The following CTLA4 variants were observed in gnomAD, a reference collection of about 807,000 sequenced individuals.
CTLA4 encodes cytotoxic T-lymphocyte associated protein 4, also known as cytotoxic T-lymphocyte protein 4.
CTLA4 carries 3 observed loss-of-function variants against 20.4 expected under a neutral mutation model. That is an observed-to-expected ratio of 0.15 (90% CI 0.07 to 0.38). The LOEUF (loss-of-function observed/expected upper bound fraction) is 0.38. CTLA4 is among the 10% of genes least tolerant of loss of function. The pLI is 1.00. For missense variants in CTLA4, 184 were observed against 276.8 expected, an observed-to-expected ratio of 0.66 and a Z score of 2.38; for synonymous variants, 100 against 105.2, an observed-to-expected ratio of 0.95 and a Z score of 0.30.
rs1428702210 is a variant in CTLA4, at chr2:203,872,922, C to A, written c.*110C>A. 3.6e-5 allele frequency: 26 copies of A among 721,200 alleles called. 1 individual carries two copies. The Admixed American group carries it at 6.0e-4, about 17-fold the overall frequency. 44.7% of individuals were successfully genotyped at this position (721,200 alleles called of 1,614,324 possible). ...TTTGTTTGTGCATTTGGGGGGAATT[C>A]ATCTCTCTTTAATATAAAGTTGGAT... On this transcript the variant is annotated 3_prime_UTR_variant, in exon 4 of 4. Transcript: ENST00000648405.
In CTLA4 at chr2:203,872,912, G is replaced by A. The variant is rs56102377; in HGVS notation, c.*100G>A. On this transcript the variant is annotated 3_prime_UTR_variant, in exon 4 of 4. Coordinates refer to ENST00000648405, the MANE Select transcript of CTLA4 (RefSeq NM_005214.5). ...GCTATTTTTATTTGTTTGTGCATTT[G>A]GGGGGAATTCATCTCTCTTTAATAT... The A allele has an allele frequency of 2.1e-3, 1,640 of 772,442 alleles. 43 individuals carry two copies. In the East Asian group the frequency reaches 0.038, roughly 18 times the overall value. The allele number at this position is 772,442 out of a possible 1,614,324, so 47.8% of individuals were successfully genotyped here.
Position 203,867,926 on chromosome 2 carries a change from A to AC in CTLA4, c.-15dup. On this transcript the variant is annotated 5_prime_UTR_variant, in exon 1 of 4. Transcript: ENST00000648405. ...TGCTCTACTTCCTGAAGACCTGAACACCGCTCCCATAAAGCCATGGCTTGC... is the reference window on the plus strand; with the variant it reads ...TGCTCTACTTCCTGAAGACCTGAACACCCGCTCCCATAAAGCCATGGCTTGC... The AC allele has an allele frequency of 6.2e-7, 1 of 1,604,560 alleles. No homozygotes were observed. Among genetic ancestry groups the AC allele is most frequent in the South Asian group, 1.1e-5 (1 of 90,856 alleles).
chr2:203,868,518 T>C (rs1581572216), intron 1 of CTLA4, among the ~76,000 whole-genome samples: 1 of 152,334 alleles, frequency 6.6e-6, no homozygotes, highest in East Asian at 1.9e-4. Flanking sequence ...ACTTTATAAA[T>C]GAATTAGCCA....
rs766143912 is a variant in CTLA4, at chr2:203,870,612, G to A, written c.136G>A (p.Val46Ile). Residue 46 changes from valine (V) to isoleucine (I), a missense_variant, in exon 2 of 4, where the codon GTA becomes ATA. By Grantham distance (29) the Val-to-Ile change is conservative. Transcript: ENST00000648405. This position sits in a 1 kb window ranked among gnomAD's most constrained non-coding sequence, Gnocchi z 5.3. Reference sequence around the variant, plus strand: ...AATGCACGTGGCCCAGCCTGCTGTGGTACTGGCCAGCAGCCGAGGCATCGC... The same window carrying A: ...AATGCACGTGGCCCAGCCTGCTGTGATACTGGCCAGCAGCCGAGGCATCGC... Reference protein sequence around the residue: ...KAMHVAQPAVVLASSRGIASF... With the variant: ...KAMHVAQPAVILASSRGIASF... 3.1e-6 allele frequency: 5 copies of A among 1,614,036 alleles called. No homozygotes were observed. In the African/African-American group the frequency reaches 5.3e-5, roughly 17 times the overall value.
intron 1 of CTLA4, among the ~76,000 whole-genome samples, chr2:203,869,818 A>T (rs1255788642): frequency 4.6e-5 from 7 of 152,134 alleles, no homozygotes; most frequent in Non-Finnish European, 8.8e-5. Flanking sequence ...AGAACAAAGG[A>T]GCATGGGAGT....
rs1688776348 is a variant in CTLA4 at position 203,873,520 on chromosome 2, T to C, written c.*708T>C. The C allele has an allele frequency of 9.1e-6, 2 of 220,422 alleles. No homozygotes were observed. The highest frequency in any genetic ancestry group is 2.3e-5 in the African/African-American group (1 of 44,214). 13.7% of individuals were successfully genotyped at this position (220,422 alleles called of 1,614,324 possible). Reference sequence around the variant, plus strand: ...TTTGTGGAGGAGCTCAGGACACTAATACACCAGGTAGAACACAAGGTCATT... The same window carrying C: ...TTTGTGGAGGAGCTCAGGACACTAACACACCAGGTAGAACACAAGGTCATT... On this transcript the variant is annotated 3_prime_UTR_variant, in exon 4 of 4. Transcript: ENST00000648405.
At chr2:203,869,912 A>C (rs1688697599) in intron 1 of CTLA4, among the ~76,000 whole-genome samples, 1 of 152,178 alleles carries the variant, frequency 6.6e-6, no homozygotes, top group African/African-American at 2.4e-5. Context: ...GGGTTGCCTC[A>C]ACCTAGAGAG....
rs1028811805 is a variant in CTLA4 at position 203,873,202 on chromosome 2, G to T, written c.*390G>T. 1 of 403,048 alleles carries T rather than the reference G, an allele frequency of 2.5e-6. No individual in the cohort carries two copies. Among genetic ancestry groups the T allele is most frequent in the Non-Finnish European group, 4.4e-6 (1 of 228,320 alleles). The allele number at this position is 403,048 out of a possible 1,614,324, so 25.0% of individuals were successfully genotyped here. A position where few individuals can be genotyped will look rare whatever the true frequency, so the allele number is the denominator to read the frequency against. On this transcript the variant is annotated 3_prime_UTR_variant, in exon 4 of 4. Coordinates refer to ENST00000648405, the MANE Select transcript of CTLA4 (RefSeq NM_005214.5). ...CGTATGAGACGTTTATAGCCGAAAT[G>T]ATCTTTTCAAGTTAAATTTTATGCC... is the stretch of plus-strand genomic sequence containing the variant.
In CTLA4 at chr2:203,870,206, A is replaced by G. The variant is rs935138333; in HGVS notation, c.110-380A>G. The G allele has an allele frequency of 1.9e-5, 5 of 264,128 alleles. No individual in the cohort carries two copies. Among genetic ancestry groups the G allele is most frequent in the Non-Finnish European group, 3.7e-5 (5 of 136,506 alleles). 16.4% of individuals were successfully genotyped at this position (264,128 alleles called of 1,614,324 possible). A position where few individuals can be genotyped will look rare whatever the true frequency, so the allele number is the denominator to read the frequency against. On this transcript the variant is annotated intron_variant, in intron 1 of 3. Transcript: ENST00000648405. This position sits in a 1 kb window ranked among gnomAD's most constrained non-coding sequence, Gnocchi z 5.3. ...CATTCTATCATAACCTTAGAATACC[A>G]GAGAACATATCATCTCATCTAATTA...
At chr2:203,869,757 A>T (rs1236072391) in intron 1 of CTLA4, among the ~76,000 whole-genome samples, 1 of 152,188 alleles carries the variant, frequency 6.6e-6, no homozygotes, top group African/African-American at 2.4e-5. Flanking sequence ...TTTTGAGTTG[A>T]TGCAAGCCTC....
rs568671903 is a variant in CTLA4, at chr2:203,873,628, T to C, written c.*816T>C. 1.7e-4 allele frequency: 37 copies of C among 217,188 alleles called. No homozygotes were observed. The highest frequency in any genetic ancestry group is 6.3e-4 in the African/African-American group (28 of 44,306). 13.5% of individuals were successfully genotyped at this position (217,188 alleles called of 1,614,324 possible). ...TGCTGAGTTGGTGTTGACATGTGCT[T>C]TGGGGCTTTTACACCAGTTCCTTTC... is the stretch of plus-strand genomic sequence containing the variant. On this transcript the variant is annotated 3_prime_UTR_variant, in exon 4 of 4. Coordinates refer to ENST00000648405, the MANE Select transcript of CTLA4 (RefSeq NM_005214.5).
Position 203,873,224 on chromosome 2 carries a change from T to A in CTLA4, c.*412T>A, listed in dbSNP as rs886368918. ...AATGATCTTTTCAAGTTAAATTTTA[T>A]GCCTTTTATTTCTTAAACAAATGTA... is the stretch of plus-strand genomic sequence containing the variant. On this transcript the variant is annotated 3_prime_UTR_variant, in exon 4 of 4. Transcript: ENST00000648405. 10 of 402,762 alleles carry A rather than the reference T, an allele frequency of 2.5e-5. No homozygotes were observed. The highest frequency in any genetic ancestry group is 2.1e-4 in the Admixed American group (5 of 23,596). The allele number at this position is 402,762 out of a possible 1,614,324, so 24.9% of individuals were successfully genotyped here.
chr2:203,872,739 T>C lies in CTLA4; in HGVS notation c.599T>C (p.Val200Ala), dbSNP rs755615887. 1 of 1,612,658 alleles carries C rather than the reference T, an allele frequency of 6.2e-7. No homozygotes were observed. The highest frequency in any genetic ancestry group is 8.5e-7 in the Non-Finnish European group (1 of 1,178,880). ...AAAAGAAGCCCTCTTACAACAGGGG[T>C]CTATGTGAAAATGCCCCCAACAGAG... ...LKKRSPLTTGVYVKMPPTEPE... is the reference protein window; with the variant it reads ...LKKRSPLTTGAYVKMPPTEPE... Residue 200 changes from valine (V) to alanine (A), a missense_variant, in exon 4 of 4, where the codon GTC (valine) becomes GCC (alanine). Around this residue, in one of 3 missense-constraint regions of CTLA4, gnomAD observed 147 missense variants for 223.4 expected, o/e 0.66. Transcript: ENST00000648405.
rs1355486597 is a variant in CTLA4, at chr2:203,873,917, T to C, written c.*1105T>C. 1 of 227,298 alleles carries C rather than the reference T, an allele frequency of 4.4e-6. No homozygotes were observed. Among genetic ancestry groups the C allele is most frequent in the Non-Finnish European group, 8.8e-6 (1 of 114,122 alleles). The allele number at this position is 227,298 out of a possible 1,614,324, so 14.1% of individuals were successfully genotyped here. On this transcript the variant is annotated 3_prime_UTR_variant, in exon 4 of 4. Transcript: ENST00000648405. ...TATTTTCCATGAAAATGCAACAACATGTATAATATTTTTAATTAAATAAAA... is the reference window on the plus strand; with the variant it reads ...TATTTTCCATGAAAATGCAACAACACGTATAATATTTTTAATTAAATAAAA...
At chr2:203,869,468 G>C (rs1051412925) in intron 1 of CTLA4, among the ~76,000 whole-genome samples, 1 of 152,194 alleles carries the variant, frequency 6.6e-6, no homozygotes, top group African/African-American at 2.4e-5. Flanking sequence ...CGTGCAAGTG[G>C]CTTGGTGGAA....
chr2:203,868,035 C>T lies in CTLA4; in HGVS notation c.93C>T (p.Ile31=), dbSNP rs1315404501. 1 of 1,612,920 alleles carries T rather than the reference C, an allele frequency of 6.2e-7. No individual in the cohort carries two copies. The highest frequency in any genetic ancestry group is 1.6e-4 in the Middle Eastern group (1 of 6,062). ...PCTLLFFLLF[I]PVFCKAMHVA... Reference sequence around the variant, plus strand: ...CTCTCCTGTTTTTTCTTCTCTTCATCCCTGTCTTCTGCAAAGGTGAGTGAG... The same window carrying T: ...CTCTCCTGTTTTTTCTTCTCTTCATTCCTGTCTTCTGCAAAGGTGAGTGAG... Residue 31 remains isoleucine, a synonymous_variant, in exon 1 of 4, where the codon ATC becomes ATT. Coordinates refer to ENST00000648405, the MANE Select transcript of CTLA4 (RefSeq NM_005214.5).
In CTLA4 at chr2:203,873,030, A is replaced by G. The variant is rs776246855; in HGVS notation, c.*218A>G. 13 of 587,790 alleles carry G rather than the reference A, an allele frequency of 2.2e-5. No homozygotes were observed. Among genetic ancestry groups the G allele is most frequent in the Non-Finnish European group, 3.3e-5 (11 of 330,752 alleles). The allele number at this position is 587,790 out of a possible 1,614,324, so 36.4% of individuals were successfully genotyped here. A position where few individuals can be genotyped will look rare whatever the true frequency, so the allele number is the denominator to read the frequency against. On this transcript the variant is annotated 3_prime_UTR_variant, in exon 4 of 4. Transcript: ENST00000648405. ...GGGATGTTTCTGTCACATCAGCTCCACTTTCAGTGAAAGCATCACTTGGGA... is the reference window on the plus strand; with the variant it reads ...GGGATGTTTCTGTCACATCAGCTCCGCTTTCAGTGAAAGCATCACTTGGGA...
At position 203,873,225 on chromosome 2, in the gene CTLA4, G is replaced by A; in HGVS notation, c.*413G>A. ...ATGATCTTTTCAAGTTAAATTTTAT[G>A]CCTTTTATTTCTTAAACAAATGTAT... On this transcript the variant is annotated 3_prime_UTR_variant, in exon 4 of 4. Coordinates refer to ENST00000648405, the MANE Select transcript of CTLA4 (RefSeq NM_005214.5). 2 of 401,768 alleles carry A rather than the reference G, an allele frequency of 5.0e-6. No individual in the cohort carries two copies. The highest frequency in any genetic ancestry group is 8.8e-6 in the Non-Finnish European group (2 of 227,698). 24.9% of individuals were successfully genotyped at this position (401,768 alleles called of 1,614,324 possible). A position where few individuals can be genotyped will look rare whatever the true frequency, so the allele number is the denominator to read the frequency against.
chr2:203,870,983 T>C lies in CTLA4; in HGVS notation c.457+50T>C. ...TGACACCTGTTGCATTGCAGTCTTC[T>C]ATGCACAAAAACAGTTTTGTTCCTT... On this transcript the variant is annotated intron_variant, in intron 2 of 3. Transcript: ENST00000648405. The surrounding 1 kb of genome is among the most constrained non-coding windows in gnomAD (Gnocchi z 5.3). 7.0e-7 allele frequency: 1 copy of C among 1,429,794 alleles called. No homozygotes were observed. The highest frequency in any genetic ancestry group is 9.7e-7 in the Non-Finnish European group (1 of 1,032,090). The allele number at this position is 1,429,794 out of a possible 1,614,324, so 88.6% of individuals were successfully genotyped here.
Sources: gnomAD v4.1 joint callset for allele counts (sites outside exome capture counted in the v4.1 genomes callset) on GRCh38, gnomAD v4.1.1 for gene constraint, gnomAD v4.1.1 regional missense constraint, Gnocchi (gnomAD v3.1) non-coding constraint, MANE v1.5 for transcripts, NCBI Gene and HGNC (gene_info 2026-07-23, HGNC 2026-07-21) for gene names.